Variants in A2ML1 observed in about 807,000 individuals in gnomAD.
A2ML1 encodes alpha-2-macroglobulin-like protein 1.
A2ML1 carries 161 observed loss-of-function variants against 181.9 expected under a neutral mutation model. That is an observed-to-expected ratio of 0.89 (90% CI 0.78 to 1.01). The LOEUF (loss-of-function observed/expected upper bound fraction) is 1.01, where lower values mean the gene tolerates loss of function less well. Among genes scored for constraint, A2ML1 ranks in the 50% least tolerant of loss-of-function variants. A2ML1 has a pLI of 0.00. For synonymous variants in A2ML1, 663 were observed against 666.8 expected, an observed-to-expected ratio of 0.99 and a Z score of 0.09; for missense variants, 1,670 against 1,768.1, an observed-to-expected ratio of 0.94 and a Z score of 1.00.
In A2ML1 at chr12:8,850,171, C is replaced by A; in HGVS notation, c.2131C>A (p.His711Asn). The A allele has an allele frequency of 1.2e-6, 2 of 1,605,964 alleles. No homozygotes were observed. The highest frequency in any genetic ancestry group is 1.1e-5 in the South Asian group (1 of 89,422). Reference protein sequence around the residue: ...YSTAMGAGGGHPEAFESSTPL... With the variant: ...YSTAMGAGGGNPEAFESSTPL... ...CTCAATTTCATCAGCAGGCGGTGGT[C>A]ATCCAGAGGCTTTTGAGTCATCAAC... The change falls in exon 18 of 36, where the codon CAT becomes AAT. Residue 711 changes from histidine (H) to asparagine (N), a missense_variant. Coordinates refer to ENST00000299698, the MANE Select transcript of A2ML1 (RefSeq NM_144670.6).
At position 8,823,194 on chromosome 12, in the gene A2ML1, G is replaced by A; in HGVS notation, c.75G>A (p.Val25=). The change falls in exon 2 of 36, where the codon GTG becomes GTA. Residue 25 remains valine (V), a synonymous_variant. Transcript: ENST00000299698. ...AIAEELPNYL[V]TLPARLNFPS... is the part of the protein sequence containing the mutation. ...GCTCCTTTAATAGAAACTACCTGGTGACATTACCAGCCCGGCTAAATTTCC... is the reference window on the plus strand; with the variant it reads ...GCTCCTTTAATAGAAACTACCTGGTAACATTACCAGCCCGGCTAAATTTCC... 2 of 1,613,608 alleles carry A rather than the reference G, an allele frequency of 1.2e-6. No individual in the cohort carries two copies. Among genetic ancestry groups the A allele is most frequent in the Non-Finnish European group, 1.7e-6 (2 of 1,179,896 alleles).
chr12:8,878,087 G>A (rs1220541831), downstream of A2ML1, among the ~76,000 whole-genome samples: 2 of 151,464 alleles, frequency 1.3e-5, no homozygotes, highest in African/African-American at 4.9e-5. This position sits in a 1 kb window ranked among gnomAD's most constrained non-coding sequence, Gnocchi z 4.4. Flanking sequence ...TGGATCACCT[G>A]AGGTCAGGAC....
chr12:8,879,605 C>A (rs747629471), downstream of A2ML1, among the ~76,000 whole-genome samples: 1 of 152,018 alleles, frequency 6.6e-6, no homozygotes, highest in Non-Finnish European at 1.5e-5. Flanking sequence ...TCTTTTGGAA[C>A]GAAAGGAAAT....
chr12:8,834,274 G>A (rs1052806173), intron 4 of A2ML1, among the ~76,000 whole-genome samples: 9 of 152,198 alleles, frequency 5.9e-5, no homozygotes, highest in African/African-American at 2.2e-4. Flanking sequence ...AAGAAGCCAG[G>A]AGATGGTTGG....
chr12:8,887,370 C>T (rs142977154), downstream of A2ML1, among the ~76,000 whole-genome samples: 306 of 152,316 alleles, frequency 2.0e-3, 4 homozygotes, highest in East Asian at 0.025. Flanking sequence ...CTCTCCCCCA[C>T]ATATTTTGTA....
chr12:8,850,394 G>T, intron 18 of A2ML1, 120 bp downstream of exon 18: 1 of 586,730 alleles, frequency 1.7e-6, no homozygotes, highest in East Asian at 3.5e-5. Flanking sequence ...AGACCAGCCT[G>T]GGCAACATAA....
At chr12:8,844,160 C>T (rs146436992) in intron 12 of A2ML1, among the ~76,000 whole-genome samples, 190 of 151,802 alleles carry the variant, frequency 1.3e-3, no homozygotes, top group African/African-American at 4.4e-3. Context: ...TGAGGAATTA[C>T]CTGAGAAAAT....
Position 8,861,315 on chromosome 12 carries a change from A to T in A2ML1, c.3502+18A>T, listed in dbSNP as rs751174434. The T allele has an allele frequency of 1.9e-6, 3 of 1,612,798 alleles. No homozygotes were observed. In the South Asian group the frequency reaches 3.3e-5, roughly 18 times the overall value. On this transcript the variant is annotated intron_variant, in intron 28 of 35. Coordinates refer to ENST00000299698, the MANE Select transcript of A2ML1 (RefSeq NM_144670.6). ...CATCTCAGGTATGTTGGTCCTGTTG[A>T]GAGTTCTTTGAAATTGTGAACATAA...
chr12:8,853,170 T>C (rs1001355915), intron 20 of A2ML1, among the ~76,000 whole-genome samples: 6 of 151,612 alleles, frequency 4.0e-5, no homozygotes, highest in African/African-American at 1.5e-4. Context: ...GCTAATTCAG[T>C]TGGCAGAGAA....
At chr12:8,866,494 G>A (rs967164036) in intron 29 of A2ML1, among the ~76,000 whole-genome samples, 1 of 151,904 alleles carries the variant, frequency 6.6e-6, no homozygotes, top group African/African-American at 2.4e-5. Context: ...GGAAAGCAGT[G>A]GGTGAAATGT....
chr12:8,885,252 T>C (rs1395097872), intron 7 of A2ML1, among the ~76,000 whole-genome samples: 1 of 152,156 alleles, frequency 6.6e-6, no homozygotes, highest in Non-Finnish European at 1.5e-5. Context: ...TATTATTCTA[T>C]TTAAGAATCT....
downstream of A2ML1, among the ~76,000 whole-genome samples, chr12:8,887,356 A>G (rs1391000559): frequency 2.0e-5 from 3 of 152,200 alleles, no homozygotes; most frequent in African/African-American, 7.2e-5. Context: ...AGCATTAACC[A>G]TATCTCTCCC....
chr12:8,865,409 G>C (rs894157718), intron 29 of A2ML1, among the ~76,000 whole-genome samples: 3 of 152,022 alleles, frequency 2.0e-5, no homozygotes, highest in Non-Finnish European at 4.4e-5. Context: ...CGTGGTGGCG[G>C]GTGCCTGTAA....
intron 17 of A2ML1, 50 bp from the exon 18 acceptor site, chr12:8,850,110 A>C (rs1341291922): frequency 2.1e-6 from 3 of 1,429,732 alleles, no homozygotes; most frequent in East Asian, 4.7e-5. Flanking sequence ...TTTATGTCAC[A>C]ACAAGAAGTC....
At chr12:8,828,237 G>A (rs867566227) in intron 3 of A2ML1, among the ~76,000 whole-genome samples, 13 of 152,186 alleles carry the variant, frequency 8.5e-5, no homozygotes, top group African/African-American at 2.2e-4. Context: ...TGTAATCTGC[G>A]AGCCAGGGCC....
At position 8,863,394 on chromosome 12, in the gene A2ML1, C is replaced by T. The variant is rs147782003; in HGVS notation, c.3503-400C>T. Among the ~76,000 whole-genome samples, 670 of 152,226 alleles carry T rather than the reference C, an allele frequency of 4.4e-3. 6 individuals are homozygous for T. Among genetic ancestry groups the T allele is most frequent in the African/African-American group, 0.015 (632 of 41,532 alleles). On this transcript the variant is annotated intron_variant, in intron 28 of 35. Transcript: ENST00000299698. ...GTGCTGGATTACAGGTGTGAGCCAC[C>T]GCACCCGGCCTAAATCTTTGATTAA...
At chr12:8,822,816 T>G (rs1029787891) in intron 1 of A2ML1, 103 bp downstream of exon 1, 4 of 1,075,372 alleles carry the variant, frequency 3.7e-6, no homozygotes, top group Non-Finnish European at 4.2e-6. Flanking sequence ...TGGTTTATCT[T>G]AATTTCCTCC....
At position 8,835,573 on chromosome 12, in the gene A2ML1, T is replaced by C; in HGVS notation, c.550T>C (p.Ser184Pro). The C allele has an allele frequency of 6.2e-7, 1 of 1,614,144 alleles. No homozygotes were observed. Among genetic ancestry groups the C allele is most frequent in the Non-Finnish European group, 8.5e-7 (1 of 1,180,008 alleles). Reference protein sequence around the residue: ...VVPEQGIVDLSFQLAPEAMLG... With the variant: ...VVPEQGIVDLPFQLAPEAMLG... ...ACCTGAGCAAGGCATTGTAGACCTGTCCTTCCAACTGGCACCAGAGGCAAT... is the reference window on the plus strand; with the variant it reads ...ACCTGAGCAAGGCATTGTAGACCTGCCCTTCCAACTGGCACCAGAGGCAAT... The change falls in exon 6 of 36, where the codon TCC (serine) becomes CCC (proline). Residue 184 changes from serine to proline, a missense_variant. Coordinates refer to ENST00000299698, the MANE Select transcript of A2ML1 (RefSeq NM_144670.6).
chr12:8,854,680 C>T (rs1944000719), intron 21 of A2ML1, 100 bp from the exon 22 acceptor site: 11 of 1,297,334 alleles, frequency 8.5e-6, no homozygotes, highest in Non-Finnish European at 1.2e-5. Flanking sequence ...CTGAGGGAAG[C>T]CCTGGGGGCA....
Sources: allele counts gnomAD v4.1 joint callset (sites outside exome capture counted in the v4.1 genomes callset), GRCh38; gene constraint gnomAD v4.1.1; non-coding constraint Gnocchi (gnomAD v3.1); transcripts MANE v1.5; gene names NCBI Gene and HGNC (gene_info 2026-07-23, HGNC 2026-07-21).